CSNK1G1: variants seen among roughly 807,000 people sequenced by gnomAD.
CSNK1G1 encodes the protein casein kinase 1 gamma 1.
CSNK1G1 carries 22 observed loss-of-function variants against 59.6 expected under a neutral mutation model. The observed-to-expected ratio is 0.37, with a 90% CI of 0.26 to 0.53. The LOEUF (loss-of-function observed/expected upper bound fraction) is 0.53, where lower values mean the gene tolerates loss of function less well. Ranked by LOEUF, CSNK1G1 falls within the 20% of genes least tolerant of loss-of-function variation. The pLI is 0.89. For missense variants in CSNK1G1, 384 were observed against 519.5 expected (o/e 0.74, Z 2.54); for synonymous variants, 179 against 177.1 (o/e 1.01, Z -0.08).
chr15:64,304,176 T>C (rs1331446508), intron 1 of CSNK1G1, among the ~76,000 whole-genome samples: 2 of 151,684 alleles, frequency 1.3e-5, no homozygotes, highest in Non-Finnish European at 2.9e-5. Flanking sequence ...TCACCTGAGG[T>C]CAGGAGTTCA....
At chr15:64,252,634 CA>C (rs1892155627) in intron 3 of CSNK1G1, among the ~76,000 whole-genome samples, 1 of 152,116 alleles carries the variant, frequency 6.6e-6, no homozygotes, top group African/African-American at 2.4e-5. Context: ...ATATTATGAA[CA>C]ATGCTTTTAG....
chr15:64,261,678 C>T (rs947550841), intron 2 of CSNK1G1, among the ~76,000 whole-genome samples: 1 of 152,098 alleles, frequency 6.6e-6, no homozygotes, highest in African/African-American at 2.4e-5. Context: ...TTAATTACAG[C>T]TCACACTTGT....
intron 10 of CSNK1G1, among the ~76,000 whole-genome samples, chr15:64,187,751 TAAG>T (rs1478156612): frequency 2.0e-5 from 3 of 152,222 alleles, no homozygotes; most frequent in Non-Finnish European, 4.4e-5. Context: ...ATATTGAGGC[TAAG>T]ATTATTAAAA....
intron 10 of CSNK1G1, among the ~76,000 whole-genome samples, chr15:64,202,515 C>G (rs560623940): frequency 6.6e-6 from 1 of 151,914 alleles, no homozygotes; most frequent in African/African-American, 2.4e-5. Context: ...CTAGTTCCCC[C>G]CAACAGCCAA....
chr15:64,266,176 C>T (rs1205384794), intron 2 of CSNK1G1, among the ~76,000 whole-genome samples: 1 of 152,084 alleles, frequency 6.6e-6, no homozygotes, highest in Non-Finnish European at 1.5e-5. Flanking sequence ...AATTCTCCTG[C>T]CTCAGCCTCC....
chr15:64,195,314 T>C (rs574311731), intron 10 of CSNK1G1, among the ~76,000 whole-genome samples: 6 of 152,214 alleles, frequency 3.9e-5, no homozygotes, highest in Non-Finnish European at 7.3e-5. Context: ...TCTAACCTGC[T>C]AGTTACTAAG....
chr15:64,329,913 T>C (rs1370383183), intron 1 of CSNK1G1, among the ~76,000 whole-genome samples: 1 of 145,586 alleles, frequency 6.9e-6, no homozygotes, highest in South Asian at 2.2e-4. Flanking sequence ...ACAAATAAAC[T>C]AGAAAATCTA....
chr15:64,292,002 T>C (rs113836180), intron 2 of CSNK1G1, among the ~76,000 whole-genome samples: 1,990 of 151,964 alleles, frequency 0.013, 17 homozygotes, highest in Admixed American at 0.021. Flanking sequence ...ATCGAGGCCA[T>C]CCTGGCTAAC....
chr15:64,337,049 G>A (rs552546402), intron 1 of CSNK1G1, among the ~76,000 whole-genome samples: 3 of 152,074 alleles, frequency 2.0e-5, no homozygotes, highest in African/African-American at 7.2e-5. Context: ...CCAACATGGT[G>A]AAACCCCATC....
chr15:64,182,242 G>A (rs1441330304), intron 10 of CSNK1G1, among the ~76,000 whole-genome samples: 1 of 151,318 alleles, frequency 6.6e-6, no homozygotes, highest in East Asian at 1.9e-4. Flanking sequence ...TGTTTGTTTT[G>A]TTTTGTTTTT....
chr15:64,249,067 A>T (rs1440431839), intron 4 of CSNK1G1, among the ~76,000 whole-genome samples: 1 of 152,222 alleles, frequency 6.6e-6, no homozygotes, highest in Non-Finnish European at 1.5e-5. Context: ...AGTTGCAGTG[A>T]GCCGAGATAG....
At chr15:64,247,586 C>T (rs1274457108) in intron 4 of CSNK1G1, among the ~76,000 whole-genome samples, 1 of 152,134 alleles carries the variant, frequency 6.6e-6, no homozygotes, top group Non-Finnish European at 1.5e-5. Context: ...AGTTAGAGAT[C>T]ACACAAGGAA....
chr15:64,177,975 T>C (rs985790330), intron 11 of CSNK1G1, among the ~76,000 whole-genome samples: 3 of 152,194 alleles, frequency 2.0e-5, no homozygotes, highest in South Asian at 2.1e-4. Flanking sequence ...GCTCTGACAA[T>C]GTTTGAATCA....
At chr15:64,332,567 T>C (rs2140459807) in intron 1 of CSNK1G1, among the ~76,000 whole-genome samples, 1 of 145,670 alleles carries the variant, frequency 6.9e-6, no homozygotes, top group African/African-American at 2.5e-5. Flanking sequence ...GAGATATACC[T>C]AATGCTAGAT....
intron 10 of CSNK1G1, among the ~76,000 whole-genome samples, chr15:64,191,210 C>T (rs551112028): frequency 5.9e-5 from 9 of 152,194 alleles, no homozygotes; most frequent in Admixed American, 4.6e-4. Flanking sequence ...TACGGACGCG[C>T]GCCACCAGGT....
chr15:64,320,234 G>A (rs1030148387), intron 1 of CSNK1G1, among the ~76,000 whole-genome samples: 12 of 151,670 alleles, frequency 7.9e-5, no homozygotes, highest in South Asian at 4.2e-4. Context: ...ACAGGCACAC[G>A]TCAAAAAAAC....
At chr15:64,308,597 A>G (rs1566942151) in intron 1 of CSNK1G1, among the ~76,000 whole-genome samples, 2 of 152,080 alleles carry the variant, frequency 1.3e-5, no homozygotes, top group Non-Finnish European at 2.9e-5. Flanking sequence ...GACTTCCTTT[A>G]GGATAAAACA....
At chr15:64,278,902 C>CT (rs201242405) in intron 2 of CSNK1G1, among the ~76,000 whole-genome samples, 1,951 of 152,070 alleles carry the variant, frequency 0.013, 31 homozygotes, top group African/African-American at 0.045. Context: ...ATGTGTTTCA[C>CT]TTTTTTTTAA....
intron 11 of CSNK1G1, 73 bp downstream of exon 11, chr15:64,180,275 G>T: frequency 9.3e-7 from 1 of 1,072,914 alleles, no homozygotes; most frequent in Non-Finnish European, 1.4e-6. Context: ...GAGACGAGCA[G>T]CACACAGAGA....
Sources: allele counts gnomAD v4.1 joint callset (sites outside exome capture counted in the v4.1 genomes callset), GRCh38; gene constraint gnomAD v4.1.1; transcripts MANE v1.5; gene names NCBI Gene and HGNC (gene_info 2026-07-23, HGNC 2026-07-21).